Variants in KIF13A observed in about 807,000 individuals in gnomAD.
KIF13A encodes the protein kinesin-like protein KIF13A.
In KIF13A, 79 loss-of-function variants were observed where a neutral mutation model predicts 212.2. The observed-to-expected ratio is 0.37, with a 90% CI of 0.31 to 0.45. The LOEUF (loss-of-function observed/expected upper bound fraction) is 0.45, where lower values mean the gene tolerates loss of function less well. Ranked by LOEUF, KIF13A falls within the 20% of genes least tolerant of loss-of-function variation. KIF13A has a pLI of 1.00. For missense variants in KIF13A, 1,901 were observed against 2,209.0 expected, an observed-to-expected ratio of 0.86 and a Z score of 2.79; for synonymous variants, 789 against 808.6, an observed-to-expected ratio of 0.98 and a Z score of 0.41.
chr6:17,864,510 G>A (rs1399935870), intron 4 of KIF13A, among the ~76,000 whole-genome samples: 2 of 152,100 alleles, frequency 1.3e-5, no homozygotes, highest in Non-Finnish European at 2.9e-5. Context: ...TTTTGAAAGA[G>A]ATAGGGTCTT....
intron 2 of KIF13A, among the ~76,000 whole-genome samples, chr6:17,964,828 T>C (rs75174812): frequency 0.014 from 2,091 of 152,202 alleles, 50 homozygotes; most frequent in African/African-American, 0.048. Flanking sequence ...GTTTTCTTGT[T>C]GTTTTGTTTT....
At chr6:17,902,722 C>T (rs988392257) in intron 2 of KIF13A, among the ~76,000 whole-genome samples, 10 of 152,142 alleles carry the variant, frequency 6.6e-5, no homozygotes, top group Non-Finnish European at 1.5e-4. Flanking sequence ...CTCCTAGGGT[C>T]GACAAAACAG....
At chr6:17,844,849 T>C (rs1298329772) in intron 9 of KIF13A, among the ~76,000 whole-genome samples, 3 of 152,206 alleles carry the variant, frequency 2.0e-5, no homozygotes, top group Admixed American at 2.0e-4. Context: ...CATTTTATTT[T>C]TCTCCCTCAA....
chr6:17,929,063 A>AC (rs1486666312), intron 2 of KIF13A, among the ~76,000 whole-genome samples: 4 of 102,486 alleles, frequency 3.9e-5, no homozygotes, highest in African/African-American at 1.4e-4. Context: ...ATTTCTCAAA[A>AC]AAAAAAAAAA....
chr6:17,777,335 G>C lies in KIF13A; in HGVS notation c.4112C>G (p.Ala1371Gly), dbSNP rs774907074. 1 of 1,612,944 alleles carries C rather than the reference G, an allele frequency of 6.2e-7. No homozygotes were observed. The highest frequency in any genetic ancestry group is 1.7e-5 in the Admixed American group (1 of 59,898). ...RLRQAVTVKE[A>G]LSTKARHIRR... is the part of the protein sequence containing the mutation. ...AATGTGCCGGGCTTTGGTGGAAAGTGCTTCTTTGACTGTGACGGCCTGTAA... is the reference window on the plus strand; with the variant it reads ...AATGTGCCGGGCTTTGGTGGAAAGTCCTTCTTTGACTGTGACGGCCTGTAA... Residue 1371 changes from alanine (A) to glycine (G), a missense_variant, in exon 34 of 39, where the codon GCA (alanine) becomes GGA (glycine). Ala to Gly is a moderately conservative substitution (Grantham distance 60, BLOSUM62 0). This residue lies in a region of KIF13A where 687 missense variants were observed against 759.1 expected (regional missense o/e 0.90). Transcript: ENST00000259711. The surrounding 1 kb of genome is among the most constrained non-coding windows in gnomAD (Gnocchi z 4.4).
At chr6:17,774,843 G>C (rs1030867841) in intron 35 of KIF13A, among the ~76,000 whole-genome samples, 172 bp downstream of exon 35, 3 of 151,586 alleles carry the variant, frequency 2.0e-5, no homozygotes, top group Non-Finnish European at 4.4e-5. Context: ...GAGTTGTGGA[G>C]AGAGTTATTT....
At chr6:17,793,856 G>C (rs561000868) in intron 25 of KIF13A, among the ~76,000 whole-genome samples, 1 of 151,976 alleles carries the variant, frequency 6.6e-6, no homozygotes, top group Non-Finnish European at 1.5e-5. Context: ...CAAGGCTGCA[G>C]TGAGCCATGA....
Position 17,855,642 on chromosome 6 carries a change from G to A in KIF13A, c.314-25C>T, listed in dbSNP as rs772795016. The A allele has an allele frequency of 5.1e-6, 8 of 1,573,718 alleles. No homozygotes were observed. The East Asian group carries it at 1.8e-4, about 35-fold the overall frequency. On this transcript the variant is annotated intron_variant, in intron 5 of 38. Transcript: ENST00000259711. This position sits in a 1 kb window ranked among gnomAD's most constrained non-coding sequence, Gnocchi z 4.1. Reference sequence around the variant, plus strand: ...CCTGGAGAACAGCAAGGAAAAAGAAGAACAGGTAGAGGAGGGAGCAAAATG... The same window carrying A: ...CCTGGAGAACAGCAAGGAAAAAGAAAAACAGGTAGAGGAGGGAGCAAAATG...
intron 3 of KIF13A, among the ~76,000 whole-genome samples, chr6:17,877,981 G>C (rs985829646): frequency 6.6e-6 from 1 of 152,174 alleles, no homozygotes; most frequent in African/African-American, 2.4e-5. Context: ...TGTGTGCTAA[G>C]CGCTAGAATT....
intron 2 of KIF13A, among the ~76,000 whole-genome samples, chr6:17,935,187 C>T (rs4712321): frequency 0.71 from 107,360 of 152,106 alleles, 38,719 homozygotes; most frequent in South Asian, 0.83. Context: ...CTTATCTGTG[C>T]TTTCTATAGC....
intron 16 of KIF13A, chr6:17,821,670 C>A (rs1161633753): frequency 8.4e-7 from 1 of 1,191,496 alleles, no homozygotes; most frequent in Non-Finnish European, 1.1e-6. Flanking sequence ...AAAACTCCAG[C>A]TTCTTCCCAA....
rs772096554 is a variant in KIF13A, at chr6:17,871,058, T to C, written c.220+2319A>G. ...AACACAGGTCTCACGTCAAAATCCA[T>C]GTGCTCTCCTTGACACATGTCACTT... On this transcript the variant is annotated intron_variant, in intron 4 of 38. Coordinates refer to ENST00000259711, the MANE Select transcript of KIF13A (RefSeq NM_022113.6). This position sits in a 1 kb window ranked among gnomAD's most constrained non-coding sequence, Gnocchi z 4.4. Among the ~76,000 whole-genome samples the C allele has an allele frequency of 2.6e-5, 4 of 152,236 alleles. No individual in the cohort carries two copies. The highest frequency in any genetic ancestry group is 1.9e-4 in the East Asian group (1 of 5,202).
In KIF13A at chr6:17,777,334, T is replaced by C; in HGVS notation, c.4113A>G (p.Ala1371=). 1 of 1,613,184 alleles carries C rather than the reference T, an allele frequency of 6.2e-7. No homozygotes were observed. The highest frequency in any genetic ancestry group is 8.5e-7 in the Non-Finnish European group (1 of 1,179,554). Residue 1371 remains alanine, a synonymous_variant, in exon 34 of 39, where the codon GCA becomes GCG. Transcript: ENST00000259711. The surrounding 1 kb of genome is among the most constrained non-coding windows in gnomAD (Gnocchi z 4.4). ...RLRQAVTVKE[A]LSTKARHIRR... is the part of the protein sequence containing the mutation. ...GAATGTGCCGGGCTTTGGTGGAAAG[T>C]GCTTCTTTGACTGTGACGGCCTGTA...
chr6:17,771,386 G>A lies in KIF13A; in HGVS notation c.4477-168C>T. 1 of 557,362 alleles carries A rather than the reference G, an allele frequency of 1.8e-6. No homozygotes were observed. Among genetic ancestry groups the A allele is most frequent in the Non-Finnish European group, 3.2e-6 (1 of 313,356 alleles). The allele number at this position is 557,362 out of a possible 1,614,324, so 34.5% of individuals were successfully genotyped here. A position where few individuals can be genotyped will look rare whatever the true frequency, so the allele number is the denominator to read the frequency against. On this transcript the variant is annotated intron_variant, in intron 37 of 38. Coordinates refer to ENST00000259711, the MANE Select transcript of KIF13A (RefSeq NM_022113.6). The surrounding 1 kb of genome is among the most constrained non-coding windows in gnomAD (Gnocchi z 5.4). The stretch of plus-strand genomic sequence containing the variant: ...GTTAAACTACTGGAGAGATATGACA[G>A]GAATAAACAGATTCTGTGGCAAAAA...
chr6:17,833,880 C>G, intron 12 of KIF13A, 81 bp downstream of exon 12: 7 of 473,646 alleles, frequency 1.5e-5, no homozygotes, highest in Non-Finnish European at 2.1e-5. Flanking sequence ...AAAAGACTTT[C>G]TGAAGATGAC....
rs930480540 is a variant in KIF13A, at chr6:17,828,452, G to T, written c.1402-82C>A. 5.8e-6 allele frequency: 7 copies of T among 1,211,094 alleles called. No individual in the cohort carries two copies. Among genetic ancestry groups the T allele is most frequent in the Non-Finnish European group, 7.0e-6 (6 of 863,034 alleles). The allele number at this position is 1,211,094 out of a possible 1,614,324, so 75.0% of individuals were successfully genotyped here. On this transcript the variant is annotated intron_variant, in intron 13 of 38. Coordinates refer to ENST00000259711, the MANE Select transcript of KIF13A (RefSeq NM_022113.6). This position sits in a 1 kb window ranked among gnomAD's most constrained non-coding sequence, Gnocchi z 4.3. ...ATGTATCACAATCAATTTGAATAAC[G>T]CAGCAGCATATGCACAAAAATATTA...
intron 12 of KIF13A, 61 bp downstream of exon 12, chr6:17,833,900 C>T: frequency 1.4e-6 from 1 of 707,074 alleles, no homozygotes; most frequent in Non-Finnish European, 2.2e-6. Flanking sequence ...CAGCAAACTA[C>T]ACAGAAAAGA....
Position 17,763,893 on chromosome 6 carries a change from C to T in KIF13A, c.*217G>A. On this transcript the variant is annotated 3_prime_UTR_variant, in exon 39 of 39. Transcript: ENST00000259711. Reference sequence around the variant, plus strand: ...TCCATCTGAACACTTCATTCAACACCAACCCATGTGCCAGGTAAAAAAATC... The same window carrying T: ...TCCATCTGAACACTTCATTCAACACTAACCCATGTGCCAGGTAAAAAAATC... 1 of 1,411,014 alleles carries T rather than the reference C, an allele frequency of 7.1e-7. No individual in the cohort carries two copies. The highest frequency in any genetic ancestry group is 9.2e-7 in the Non-Finnish European group (1 of 1,086,474). 87.4% of individuals were successfully genotyped at this position (1,411,014 alleles called of 1,614,324 possible).
At position 17,918,910 on chromosome 6, in the gene KIF13A, G is replaced by C. The variant is rs1774778977; in HGVS notation, c.147-20730C>G. Among the ~76,000 whole-genome samples the C allele has an allele frequency of 6.6e-6, 1 of 152,064 alleles. No homozygotes were observed. The highest frequency in any genetic ancestry group is 2.4e-5 in the African/African-American group (1 of 41,372). ...ATTATTTATTTGCTTATTATCCACA[G>C]GTCTCCCCTGGATCTGACAGTTATA... On this transcript the variant is annotated intron_variant, in intron 2 of 38. Transcript: ENST00000259711. The surrounding 1 kb of genome is among the most constrained non-coding windows in gnomAD (Gnocchi z 4.8).
Sources: allele counts gnomAD v4.1 joint callset (sites outside exome capture counted in the v4.1 genomes callset), GRCh38; gene constraint gnomAD v4.1.1; regional missense constraint gnomAD v4.1.1; non-coding constraint Gnocchi (gnomAD v3.1); transcripts MANE v1.5; gene names NCBI Gene and HGNC (gene_info 2026-07-23, HGNC 2026-07-21).